Variants in TNFSF11 observed in about 807,000 individuals in gnomAD.
The protein encoded by TNFSF11 is TNF superfamily member 11.
A neutral mutation model predicts 32.2 loss-of-function variants in TNFSF11; 12 were observed. That is an observed-to-expected ratio of 0.37 (90% CI 0.24 to 0.60). TNFSF11 has a LOEUF of 0.60. Among genes scored for constraint, TNFSF11 ranks in the 20% least tolerant of loss-of-function variants. TNFSF11 has a pLI of 0.66. For missense variants in TNFSF11, 345 were observed against 398.0 expected, an observed-to-expected ratio of 0.87 and a Z score of 1.13; for synonymous variants, 172 against 152.1, an observed-to-expected ratio of 1.13 and a Z score of -0.96.
At chr13:42,580,672 C>T (rs1873558103) in intron 1 of TNFSF11, among the ~76,000 whole-genome samples, 1 of 152,124 alleles carries the variant, frequency 6.6e-6, no homozygotes, top group South Asian at 2.1e-4. Context: ...TTGATTTCGC[C>T]TGTTTTATAT....
At chr13:42,566,994 A>T (rs939271919) in intron 2 of TNFSF11, among the ~76,000 whole-genome samples, 26 of 149,610 alleles carry the variant, frequency 1.7e-4, no homozygotes, top group African/African-American at 5.9e-4. Flanking sequence ...TCTGTCTCAA[A>T]AAATAAATAA....
chr13:42,578,294 A>G (rs1873419548), intron 1 of TNFSF11, among the ~76,000 whole-genome samples: 1 of 152,160 alleles, frequency 6.6e-6, no homozygotes, highest in East Asian at 1.9e-4. Flanking sequence ...GTTCGTGGGC[A>G]TTTGCTGAGG....
chr13:42,585,808 G>A (rs1873868566), intron 2 of TNFSF11, among the ~76,000 whole-genome samples: 1 of 152,212 alleles, frequency 6.6e-6, no homozygotes, highest in South Asian at 2.1e-4. Context: ...AGCTGTGACT[G>A]CACTTGACTT....
Position 42,606,554 on chromosome 13 carries a change from C to G in TNFSF11, c.590C>G (p.Ser197Cys). Reference sequence around the variant, plus strand: ...CATGATCGGGGTTGGGCCAAGATCTCCAACATGACTTTTAGCAATGGAAAA... The same window carrying G: ...CATGATCGGGGTTGGGCCAAGATCTGCAACATGACTTTTAGCAATGGAAAA... Reference protein sequence around the residue: ...WYHDRGWAKISNMTFSNGKLI... With the variant: ...WYHDRGWAKICNMTFSNGKLI... Residue 197 changes from serine (S) to cysteine (C), a missense_variant, in exon 5 of 5, where the codon TCC becomes TGC. Physicochemically the swap from Ser to Cys is moderately radical, Grantham distance 112. Coordinates refer to ENST00000398795, the MANE Select transcript of TNFSF11 (RefSeq NM_003701.4). 6.2e-7 allele frequency: 1 copy of G among 1,614,194 alleles called. No individual in the cohort carries two copies. Among genetic ancestry groups the G allele is most frequent in the South Asian group, 1.1e-5 (1 of 91,080 alleles).
chr13:42,604,811 T>C (rs1025641196), intron 4 of TNFSF11, among the ~76,000 whole-genome samples: 1 of 152,036 alleles, frequency 6.6e-6, no homozygotes, highest in Non-Finnish European at 1.5e-5. Context: ...TGAGACAGAG[T>C]CTTGCTCTGT....
Position 42,567,602 on chromosome 13 carries a change from A to T in TNFSF11, c.-160+840A>T, listed in dbSNP as rs188207059. On this transcript the variant is annotated intron_variant, in intron 2 of 6. Transcript: ENST00000358545. The stretch of plus-strand genomic sequence containing the variant: ...GAGAAACCTTAAAATAATAATAATT[A>T]AAAAAACCCACCTGAGTTCCCAACC... Among the ~76,000 whole-genome samples the T allele has an allele frequency of 9.0e-3, 1,366 of 152,302 alleles. 8 individuals are homozygous for T. Among genetic ancestry groups the T allele is most frequent in the Non-Finnish European group, 0.015 (1,043 of 68,018 alleles).
At position 42,578,251 on chromosome 13, in the gene TNFSF11, G is replaced by A. The variant is rs557882891; in HGVS notation, c.220-2875G>A. ...CCAGACTAATGTGTGCTAGTAGGTA[G>A]GTTGTTGGGTAGGCGATACATTCGT... On this transcript the variant is annotated intron_variant, in intron 1 of 4. Transcript: ENST00000398795. 4.6e-5 allele frequency among the ~76,000 whole-genome samples: 7 copies of A among 152,320 alleles called. No homozygotes were observed. The East Asian group carries it at 1.3e-3, about 29-fold the overall frequency.
At chr13:42,590,758 A>G (rs926195161) in intron 2 of TNFSF11, among the ~76,000 whole-genome samples, 1 of 152,272 alleles carries the variant, frequency 6.6e-6, no homozygotes, top group African/African-American at 2.4e-5. Context: ...CATTGCTGTC[A>G]TAAGACTACT....
intron 4 of TNFSF11, among the ~76,000 whole-genome samples, chr13:42,605,613 T>C (rs1174107628): frequency 6.6e-6 from 1 of 152,216 alleles, no homozygotes; most frequent in Non-Finnish European, 1.5e-5. Flanking sequence ...GCTCTGAAGC[T>C]GTAGCAAGAG....
At chr13:42,579,708 T>TTTTTTTC in intron 1 of TNFSF11, among the ~76,000 whole-genome samples, 1 of 135,460 alleles carries the variant, frequency 7.4e-6, no homozygotes, top group Non-Finnish European at 1.5e-5. Context: ...TAAGCCCTTT[T>TTTTTTTC]TTTTTTTTTT....
Position 42,581,143 on chromosome 13 carries a change from A to G in TNFSF11, c.237A>G (p.Ile79Met), listed in dbSNP as rs199813424. Residue 79 changes from isoleucine to methionine, a missense_variant, in exon 2 of 5, where the codon ATA (isoleucine) becomes ATG (methionine). Physicochemically the swap from Ile to Met is conservative, Grantham distance 10. This residue lies in a region of TNFSF11 where 197 missense variants were observed against 182.0 expected (regional missense o/e 1.08). Transcript: ENST00000398795. Reference sequence around the variant, plus strand: ...CTCCTCAGATGGATCCTAATAGAATATCAGAAGATGGCACTCACTGCATTT... The same window carrying G: ...CTCCTCAGATGGATCCTAATAGAATGTCAGAAGATGGCACTCACTGCATTT... ...YFRAQMDPNRISEDGTHCIYR... is the reference protein window; with the variant it reads ...YFRAQMDPNRMSEDGTHCIYR... The G allele has an allele frequency of 1.9e-6, 3 of 1,614,136 alleles. No individual in the cohort carries two copies. Among genetic ancestry groups the G allele is most frequent in the South Asian group, 1.1e-5 (1 of 91,080 alleles).
At chr13:42,572,446 G>A (rs952133796), upstream of TNFSF11, among the ~76,000 whole-genome samples, 1 of 152,078 alleles carries the variant, frequency 6.6e-6, no homozygotes, top group African/African-American at 2.4e-5. Flanking sequence ...GAAGAAATAT[G>A]GAATTATTTC....
Position 42,574,259 on chromosome 13 carries a change from G to C in TNFSF11, c.-45G>C. The stretch of plus-strand genomic sequence containing the variant: ...GTTGGCCGCAGACAAGAAGGGGAGG[G>C]AGCGGGAGAGGGAGGAGAGCTCCGA... On this transcript the variant is annotated 5_prime_UTR_variant, in exon 1 of 5. Transcript: ENST00000398795. 6.5e-7 allele frequency: 1 copy of C among 1,541,652 alleles called. No individual in the cohort carries two copies. Among genetic ancestry groups the C allele is most frequent in the Non-Finnish European group, 8.8e-7 (1 of 1,142,286 alleles).
At chr13:42,606,398 A>G in intron 4 of TNFSF11, 99 bp from the exon 5 acceptor site, 4 of 1,376,518 alleles carry the variant, frequency 2.9e-6, no homozygotes, top group Non-Finnish European at 4.1e-6. Context: ...TGAAATAATG[A>G]CTGCTATACT....
At chr13:42,603,847 C>T (rs1869307073) in intron 4 of TNFSF11, among the ~76,000 whole-genome samples, 1 of 152,246 alleles carries the variant, frequency 6.6e-6, no homozygotes, top group South Asian at 2.1e-4. Flanking sequence ...TTCTTAATTA[C>T]GGGCAGACTG....
At chr13:42,588,057 A>G (rs974859700) in intron 2 of TNFSF11, among the ~76,000 whole-genome samples, 5 of 152,234 alleles carry the variant, frequency 3.3e-5, no homozygotes, top group African/African-American at 4.8e-5. Context: ...TGGAGCACTC[A>G]TGTTCCCAAG....
intron 2 of TNFSF11, among the ~76,000 whole-genome samples, chr13:42,582,693 T>C (rs999486885): frequency 2.6e-5 from 4 of 152,242 alleles, no homozygotes; most frequent in Non-Finnish European, 5.9e-5. Context: ...GCAGAATAGA[T>C]GTATATGTTT....
rs147840681 is a variant in TNFSF11, at chr13:42,582,289, A to T, written c.387+996A>T. Among the ~76,000 whole-genome samples the T allele has an allele frequency of 2.6e-5, 4 of 152,380 alleles. No individual in the cohort carries two copies. In the East Asian group the frequency reaches 7.7e-4, roughly 29 times the overall value. On this transcript the variant is annotated intron_variant, in intron 2 of 4. Coordinates refer to ENST00000398795, the MANE Select transcript of TNFSF11 (RefSeq NM_003701.4). Reference sequence around the variant, plus strand: ...GAAGATGTAGCTGTTTTGTAAAGCCAGCTAACAAAGGTGAACGTCTGTAAT... The same window carrying T: ...GAAGATGTAGCTGTTTTGTAAAGCCTGCTAACAAAGGTGAACGTCTGTAAT...
intron 2 of TNFSF11, among the ~76,000 whole-genome samples, chr13:42,596,459 A>G (rs1868813172): frequency 1.3e-5 from 2 of 152,020 alleles, no homozygotes. Flanking sequence ...GGCTAGTGGT[A>G]TTTTGTCCCA....
Sources: gnomAD v4.1 joint callset for allele counts (sites outside exome capture counted in the v4.1 genomes callset) on GRCh38, gnomAD v4.1.1 for gene constraint, gnomAD v4.1.1 regional missense constraint, MANE v1.5 for transcripts, NCBI Gene and HGNC (gene_info 2026-07-23, HGNC 2026-07-21) for gene names.